IL1RAPL2: variants seen among roughly 807,000 people sequenced by gnomAD.
IL1RAPL2 encodes X-linked interleukin-1 receptor accessory protein-like 2.
In IL1RAPL2, 3 loss-of-function variants were observed where a neutral mutation model predicts 44.1. That is an observed-to-expected ratio of 0.07 (90% CI 0.03 to 0.18). The LOEUF (loss-of-function observed/expected upper bound fraction) is 0.18, where lower values mean the gene tolerates loss of function less well. Among genes scored for constraint, IL1RAPL2 ranks in the 10% least tolerant of loss-of-function variants. IL1RAPL2 has a pLI of 1.00. For missense variants in IL1RAPL2, 391 were observed against 496.4 expected (o/e 0.79, Z 2.02); for synonymous variants, 181 against 178.8 (o/e 1.01, Z -0.10).
At chrX:105,098,485 T>C (rs2147558697) in intron 2 of IL1RAPL2, among the ~76,000 whole-genome samples, 1 of 112,056 alleles carries the variant, frequency 8.9e-6, no homozygotes, top group Non-Finnish European at 1.9e-5. Flanking sequence ...GCAAGGAAAA[T>C]ATATTTTCAA....
intron 5 of IL1RAPL2, among the ~76,000 whole-genome samples, chrX:105,418,642 G>A (rs2035751624): frequency 9.0e-6 from 1 of 111,603 alleles, no homozygotes; most frequent in African/African-American, 3.3e-5. Flanking sequence ...AGAATTAGAA[G>A]GCAGTAAAAT....
chrX:105,645,873 A>T (rs2037601866), intron 6 of IL1RAPL2, among the ~76,000 whole-genome samples: 1 of 110,835 alleles, frequency 9.0e-6, no homozygotes, highest in Admixed American at 9.6e-5. Context: ...CTGACTCATC[A>T]CTCCCAAGAT....
intron 3 of IL1RAPL2, among the ~76,000 whole-genome samples, chrX:105,223,970 G>C (rs2033991423): frequency 1.8e-5 from 2 of 111,218 alleles, no homozygotes; most frequent in South Asian, 7.6e-4. Flanking sequence ...TTGAATGGCT[G>C]TACTGGGCTG....
At chrX:105,655,845 A>G (rs1474065108) in intron 6 of IL1RAPL2, among the ~76,000 whole-genome samples, 1 of 111,729 alleles carries the variant, frequency 9.0e-6, no homozygotes, top group Non-Finnish European at 1.9e-5. Context: ...TTGTGGGTAC[A>G]TAGGAGGTAT....
intron 2 of IL1RAPL2, among the ~76,000 whole-genome samples, chrX:104,698,310 G>A (rs767353001): frequency 8.9e-6 from 1 of 112,391 alleles, no homozygotes; most frequent in Admixed American, 9.4e-5. Context: ...TGTACTCAAA[G>A]GCAACAGCCC....
At chrX:104,606,585 A>C (rs1004140274) in intron 1 of IL1RAPL2, among the ~76,000 whole-genome samples, 1 of 111,999 alleles carries the variant, frequency 8.9e-6, no homozygotes, top group Admixed American at 9.5e-5. Flanking sequence ...GTCTCAGCCC[A>C]AAATCTCCTT....
intron 6 of IL1RAPL2, among the ~76,000 whole-genome samples, chrX:105,677,035 T>C (rs1190550048): frequency 8.9e-6 from 1 of 112,171 alleles, no homozygotes; most frequent in Admixed American, 9.5e-5. Context: ...CCAGTGTCTC[T>C]TGTGGTTGTT....
intron 5 of IL1RAPL2, among the ~76,000 whole-genome samples, chrX:105,451,440 A>G (rs2036019019): frequency 8.9e-6 from 1 of 112,172 alleles, no homozygotes; most frequent in Admixed American, 9.5e-5. Context: ...TTGAATGATA[A>G]TTACTTCAGA....
chrX:104,947,358 T>C (rs1456267947), intron 2 of IL1RAPL2, among the ~76,000 whole-genome samples: 6 of 94,689 alleles, frequency 6.3e-5, no homozygotes, highest in East Asian at 3.4e-4. Flanking sequence ...TTCTCCCATT[T>C]TGTAGGTTGC....
intron 2 of IL1RAPL2, among the ~76,000 whole-genome samples, chrX:104,761,490 TC>T (rs1163911581): frequency 9.1e-6 from 1 of 109,596 alleles, no homozygotes; most frequent in Non-Finnish European, 1.9e-5. Flanking sequence ...ACCATATCAT[TC>T]TCCTCCGGCC....
At chrX:105,633,111 C>T (rs372362203) in intron 6 of IL1RAPL2, among the ~76,000 whole-genome samples, 4 of 112,102 alleles carry the variant, frequency 3.6e-5, no homozygotes, top group South Asian at 7.5e-4. Flanking sequence ...AGATCAAGTG[C>T]ATTGAGCCTT....
At chrX:104,819,271 T>G (rs1921234721) in intron 2 of IL1RAPL2, among the ~76,000 whole-genome samples, 1 of 112,299 alleles carries the variant, frequency 8.9e-6, no homozygotes, top group South Asian at 3.7e-4. Flanking sequence ...ATGGTTCAAT[T>G]TATGACTTTT....
At chrX:105,361,653 AG>A (rs1010506926) in intron 5 of IL1RAPL2, among the ~76,000 whole-genome samples, 1 of 111,197 alleles carries the variant, frequency 9.0e-6, no homozygotes, top group Non-Finnish European at 1.9e-5. Context: ...CTGAGATAAT[AG>A]ACTTGTATTG....
chrX:105,170,860 T>C (rs2033417062), intron 2 of IL1RAPL2, among the ~76,000 whole-genome samples: 1 of 111,937 alleles, frequency 8.9e-6, no homozygotes, highest in African/African-American at 3.2e-5. Flanking sequence ...ATTTTTGAAG[T>C]AGGATTCAGA....
At chrX:105,495,831 G>A (rs1187780234) in intron 6 of IL1RAPL2, among the ~76,000 whole-genome samples, 1 of 111,284 alleles carries the variant, frequency 9.0e-6, no homozygotes, top group South Asian at 3.9e-4. Context: ...ACAACCATCT[G>A]AGTGGACTCC....
At chrX:104,746,130 G>A (rs896245504) in intron 2 of IL1RAPL2, among the ~76,000 whole-genome samples, 3 of 111,606 alleles carry the variant, frequency 2.7e-5, no homozygotes, top group African/African-American at 9.8e-5. Flanking sequence ...GCTAGGAACT[G>A]TGCCGGACAC....
At chrX:104,686,705 A>G (rs1930994416) in intron 2 of IL1RAPL2, among the ~76,000 whole-genome samples, 2 of 112,099 alleles carry the variant, frequency 1.8e-5, no homozygotes, top group Admixed American at 9.5e-5. Flanking sequence ...ATTCATCTTG[A>G]GAATAAAGCC....
intron 2 of IL1RAPL2, among the ~76,000 whole-genome samples, chrX:105,005,229 T>G (rs2030920823): frequency 9.0e-6 from 1 of 111,587 alleles, no homozygotes; most frequent in Non-Finnish European, 1.9e-5. Flanking sequence ...AACAAAGATT[T>G]TACCTTCCTG....
chrX:104,908,960 C>T (rs1374440824), intron 2 of IL1RAPL2, among the ~76,000 whole-genome samples: 4 of 110,692 alleles, frequency 3.6e-5, no homozygotes, highest in Non-Finnish European at 5.7e-5. Flanking sequence ...GTTCCATTCT[C>T]CCCGTCACTT....
Sources: allele counts gnomAD v4.1 joint callset (sites outside exome capture counted in the v4.1 genomes callset), GRCh38; gene constraint gnomAD v4.1.1; transcripts MANE v1.5; gene names NCBI Gene and HGNC (gene_info 2026-07-23, HGNC 2026-07-21).